ADAM9: variants seen among roughly 807,000 people sequenced by gnomAD.
ADAM9 encodes ADAM metallopeptidase domain 9, also known as disintegrin and metalloproteinase domain-containing protein 9.
A neutral mutation model predicts 108.1 loss-of-function variants in ADAM9; 54 were observed. The ratio of observed to expected loss-of-function variants is 0.50; its 90% CI spans 0.40 to 0.63. ADAM9 has a LOEUF of 0.63. Among genes scored for constraint, ADAM9 ranks in the 20% least tolerant of loss-of-function variants. The probability of loss-of-function intolerance (pLI) is 0.00; values close to 1 mark genes in which losing one functional copy is unlikely to be tolerated. For missense variants in ADAM9, 830 were observed against 997.7 expected (o/e 0.83, Z 2.26); for synonymous variants, 316 against 336.0 (o/e 0.94, Z 0.65).
Position 39,023,166 on chromosome 8 carries a change from T to C in ADAM9, c.755T>C (p.Met252Thr), listed in dbSNP as rs970712263. The change falls in exon 9 of 22, where the codon ATG (methionine) becomes ACG (threonine). Residue 252 changes from methionine to threonine, a missense_variant. By Grantham distance (81) the Met-to-Thr change is moderately conservative. Around this residue, in one of 3 missense-constraint regions of ADAM9, gnomAD observed 381 missense variants for 539.8 expected, o/e 0.71. Transcript: ENST00000487273. ...LANYLDSMYI[M>T]LNIRIVLVGL... ...TTTCTTTCTTCCCAGATGTATATTA[T>C]GTTAAATATTCGAATTGTGCTAGTT... is the stretch of plus-strand genomic sequence containing the variant. 2 of 1,611,486 alleles carry C rather than the reference T, an allele frequency of 1.2e-6. No homozygotes were observed. Among genetic ancestry groups the C allele is most frequent in the Non-Finnish European group, 8.5e-7 (1 of 1,177,948 alleles).
At chr8:39,014,409 A>G (rs1564238240) in intron 4 of ADAM9, 1 of 586,558 alleles carries the variant, frequency 1.7e-6, no homozygotes, top group Non-Finnish European at 3.0e-6. Context: ...TTTGTCAGTG[A>G]TATTTAGTAA....
chr8:39,080,282 C>T (rs1165103750), intron 16 of ADAM9, among the ~76,000 whole-genome samples: 1 of 152,098 alleles, frequency 6.6e-6, no homozygotes, highest in African/African-American at 2.4e-5. Flanking sequence ...TTCCAAACCC[C>T]CATGTCCCAG....
chr8:39,093,832 C>T (rs530269315), intron 20 of ADAM9, among the ~76,000 whole-genome samples: 7 of 152,168 alleles, frequency 4.6e-5, no homozygotes, highest in East Asian at 1.9e-4. Flanking sequence ...TGCAGTGGCA[C>T]GATCTCGGCT....
Position 39,096,577 on chromosome 8 carries a change from CACATT to C in ADAM9, c.2298+5235_2298+5239del, listed in dbSNP as rs760506476. Among the ~76,000 whole-genome samples, 6 of 152,296 alleles carry C rather than the reference CACATT, an allele frequency of 3.9e-5. No homozygotes were observed. The East Asian group carries it at 7.7e-4, about 20-fold the overall frequency. ...AAGATTTAAAAGTGATTTTCACACTCACATTACAGTACTACAGGATTCTCTGTCTA... is the reference window on the plus strand; with the variant it reads ...AAGATTTAAAAGTGATTTTCACACTCACAGTACTACAGGATTCTCTGTCTA... On this transcript the variant is annotated intron_variant, in intron 20 of 21. Transcript: ENST00000487273.
rs1383530367 is a variant in ADAM9 at position 39,077,314 on chromosome 8, G to C, written c.1784G>C (p.Ser595Thr). The C allele has an allele frequency of 1.9e-6, 3 of 1,614,002 alleles. No homozygotes were observed. The highest frequency in any genetic ancestry group is 2.5e-6 in the Non-Finnish European group (3 of 1,180,012). The part of the protein sequence containing the change: ...GIVPAIIQTP[S>T]RGTKCWGVDF... Reference sequence around the variant, plus strand: ...GTGCCTGCTATTATTCAAACGCCTAGTCGAGGCACCAAATGTTGGGGTGTG... The same window carrying C: ...GTGCCTGCTATTATTCAAACGCCTACTCGAGGCACCAAATGTTGGGGTGTG... Residue 595 changes from serine to threonine, a missense_variant, in exon 16 of 22, where the codon AGT (serine) becomes ACT (threonine). By Grantham distance (58) the Ser-to-Thr change is moderately conservative. Transcript: ENST00000487273.
Position 39,068,675 on chromosome 8 carries a change from C to CAAAAAAAAA in ADAM9, c.1592-2592_1592-2584dup, listed in dbSNP as rs562274321. On this transcript the variant is annotated intron_variant, in intron 14 of 21. Transcript: ENST00000487273. Reference sequence around the variant, plus strand: ...GAGTGACAAGAGTGAAACTTCTCCTCAAAAAAAAAAAAAAAAAAAAAAAAA... The same window carrying CAAAAAAAAA: ...GAGTGACAAGAGTGAAACTTCTCCTCAAAAAAAAAAAAAAAAAAAAAAAAAAAAAAAAAA... Among the ~76,000 whole-genome samples, 42 of 42,040 alleles carry CAAAAAAAAA rather than the reference C, an allele frequency of 1.0e-3. 2 individuals are homozygous for CAAAAAAAAA. Among genetic ancestry groups the CAAAAAAAAA allele is most frequent in the Non-Finnish European group, 1.4e-3 (31 of 21,616 alleles). 27.6% of individuals were successfully genotyped at this position (42,040 alleles called of 152,430 possible).
chr8:39,010,092 A>T (rs1302678439), intron 2 of ADAM9, among the ~76,000 whole-genome samples: 2 of 151,660 alleles, frequency 1.3e-5, no homozygotes, highest in Admixed American at 1.3e-4. Flanking sequence ...TGCATTTTTC[A>T]GTAGGATGGC....
intron 11 of ADAM9, among the ~76,000 whole-genome samples, chr8:39,032,492 TCTC>T (rs1308215576): frequency 2.6e-5 from 4 of 152,254 alleles, no homozygotes; most frequent in Non-Finnish European, 5.9e-5. Context: ...TGGGATGTAA[TCTC>T]CTGGTGTGCT....
At chr8:39,037,159 C>T (rs922671869) in intron 11 of ADAM9, among the ~76,000 whole-genome samples, 3 of 147,430 alleles carry the variant, frequency 2.0e-5, no homozygotes, top group African/African-American at 7.4e-5. Flanking sequence ...CGGGTTCACG[C>T]CATTCTCCTG....
intron 11 of ADAM9, among the ~76,000 whole-genome samples, chr8:39,028,217 G>A (rs1050467116): frequency 1.3e-5 from 2 of 152,182 alleles, no homozygotes; most frequent in Non-Finnish European, 2.9e-5. Flanking sequence ...CAGCCTTTCA[G>A]CTGAAGTTCT....
At chr8:39,077,756 C>G (rs1288327688) in intron 16 of ADAM9, among the ~76,000 whole-genome samples, 1 of 152,146 alleles carries the variant, frequency 6.6e-6, no homozygotes, top group Non-Finnish European at 1.5e-5. Context: ...TGTCATGGAG[C>G]TTGTCCTGCC....
chr8:39,040,213 CT>C (rs1837416851), intron 11 of ADAM9, among the ~76,000 whole-genome samples: 1 of 152,108 alleles, frequency 6.6e-6, no homozygotes, highest in African/African-American at 2.4e-5. Context: ...CCACACCTGG[CT>C]AATTTTTGTA....
chr8:39,104,181 TTAA>T lies in ADAM9; in HGVS notation c.*486_*488del, dbSNP rs1447111612. ...TCTAATATTTTTCATCATGCACGAA[TTAA>T]TAATCATCATACTCTAGAATCTTGT... On this transcript the variant is annotated 3_prime_UTR_variant, in exon 22 of 22. Coordinates refer to ENST00000487273, the MANE Select transcript of ADAM9 (RefSeq NM_003816.3). 3 of 454,038 alleles carry T rather than the reference TTAA, an allele frequency of 6.6e-6. No homozygotes were observed. Among genetic ancestry groups the T allele is most frequent in the East Asian group, 1.4e-4 (2 of 14,414 alleles). 28.1% of individuals were successfully genotyped at this position (454,038 alleles called of 1,614,324 possible).
Position 39,089,172 on chromosome 8 carries a change from C to A in ADAM9, c.2069-875C>A, listed in dbSNP as rs149666115. Among the ~76,000 whole-genome samples, 245 of 152,142 alleles carry A rather than the reference C, an allele frequency of 1.6e-3. 1 individual carries two copies. The highest frequency in any genetic ancestry group is 4.2e-3 in the African/African-American group (175 of 41,490). ...GTGGAGGCAGCAGAATCGCTTGAAC[C>A]CAGGAGGCAGAGGTTGCAGTGAGTG... On this transcript the variant is annotated intron_variant, in intron 18 of 21. Coordinates refer to ENST00000487273, the MANE Select transcript of ADAM9 (RefSeq NM_003816.3).
chr8:39,037,274 C>A (rs1446236072), intron 11 of ADAM9, among the ~76,000 whole-genome samples: 1 of 147,864 alleles, frequency 6.8e-6, no homozygotes, highest in East Asian at 2.0e-4. Context: ...TGGTCTCGAT[C>A]TCCTGACCTC....
At chr8:39,045,125 T>C (rs1286345144) in intron 12 of ADAM9, among the ~76,000 whole-genome samples, 12 of 97,856 alleles carry the variant, frequency 1.2e-4, no homozygotes, top group African/African-American at 3.4e-4. Flanking sequence ...TATGTGTGTG[T>C]GCATACATAC....
Position 38,998,636 on chromosome 8 carries a change from G to A in ADAM9, c.97+1476G>A, listed in dbSNP as rs191374032. Among the ~76,000 whole-genome samples the A allele has an allele frequency of 3.3e-5, 5 of 152,310 alleles. No individual in the cohort carries two copies. In the East Asian group the frequency reaches 9.6e-4, roughly 29 times the overall value. ...GGCAGAAGGTGACCAAATATGCTAA[G>A]CGCATCTGAGAGATGTTGGGGAAGA... On this transcript the variant is annotated intron_variant, in intron 1 of 21. Transcript: ENST00000487273.
At chr8:39,031,460 G>A (rs562920981) in intron 11 of ADAM9, among the ~76,000 whole-genome samples, 10 of 152,258 alleles carry the variant, frequency 6.6e-5, no homozygotes, top group African/African-American at 2.2e-4. Context: ...GCTTGTGCAT[G>A]CGTCACATAG....
At position 39,033,947 on chromosome 8, in the gene ADAM9, A is replaced by C. The variant is rs555383899; in HGVS notation, c.1130+7137A>C. Among the ~76,000 whole-genome samples the C allele has an allele frequency of 1.4e-4, 22 of 152,356 alleles. No individual in the cohort carries two copies. In the South Asian group the frequency reaches 1.5e-3, roughly 10 times the overall value. ...CATTGTATGAATGGATCAAGTGATC[A>C]CATGTATCCTGAGAATATATACATC... is the stretch of plus-strand genomic sequence containing the variant. On this transcript the variant is annotated intron_variant, in intron 11 of 21. Transcript: ENST00000487273.
Sources: allele counts gnomAD v4.1 joint callset (sites outside exome capture counted in the v4.1 genomes callset), GRCh38; gene constraint gnomAD v4.1.1; regional missense constraint gnomAD v4.1.1; transcripts MANE v1.5; gene names NCBI Gene and HGNC (gene_info 2026-07-23, HGNC 2026-07-21).